KSR1: variants seen among roughly 807,000 people sequenced by gnomAD.
KSR1 encodes the protein kinase suppressor of ras.
KSR1 carries 35 observed loss-of-function variants against 92.9 expected under a neutral mutation model. The ratio of observed to expected loss-of-function variants is 0.38; its 90% CI spans 0.29 to 0.50. KSR1 has a LOEUF of 0.50. Ranked by LOEUF, KSR1 falls within the 20% of genes least tolerant of loss-of-function variation. KSR1 has a pLI of 0.94. For synonymous variants in KSR1, 467 were observed against 472.6 expected, an observed-to-expected ratio of 0.99 and a Z score of 0.15; for missense variants, 972 against 1,158.5, an observed-to-expected ratio of 0.84 and a Z score of 2.34.
chr17:27,532,092 A>T (rs954936163), intron 1 of KSR1, among the ~76,000 whole-genome samples: 3 of 152,240 alleles, frequency 2.0e-5, no homozygotes, highest in East Asian at 1.9e-4. Context: ...TCAGTTTTTC[A>T]TCTATTTCTG....
At chr17:27,503,634 C>T (rs1164443796) in intron 1 of KSR1, among the ~76,000 whole-genome samples, 5 of 152,160 alleles carry the variant, frequency 3.3e-5, no homozygotes, top group East Asian at 3.8e-4. Context: ...CTACTGAGCA[C>T]GTGGAAGCAT....
chr17:27,590,790 G>T (rs750622508), intron 6 of KSR1, 21 bp from the exon 7 acceptor site: 2 of 1,601,482 alleles, frequency 1.2e-6, no homozygotes, highest in Non-Finnish European at 1.7e-6. Context: ...GCAAACATGT[G>T]CCTGTGTCCG....
chr17:27,478,111 C>G (rs969309896), intron 1 of KSR1, among the ~76,000 whole-genome samples: 1 of 152,140 alleles, frequency 6.6e-6, no homozygotes, highest in Non-Finnish European at 1.5e-5. Flanking sequence ...ACCTTTTTAC[C>G]CAGAAATTCC....
In KSR1 at chr17:27,583,016, C is replaced by T. The variant is rs1438823565; in HGVS notation, c.891C>T (p.Phe297=). Residue 297 remains phenylalanine, a synonymous_variant, in exon 4 of 21, where the codon TTC becomes TTT. Transcript: ENST00000644974. ...RTPPPPSRKV[F]QLLPSFPTLT... ...CCCCCCCACCCAGCCGCAAGGTCTT[C>T]CAGCTGCTGCCCAGCTTCCCCACAC... The T allele has an allele frequency of 4.4e-6, 7 of 1,598,460 alleles. No individual in the cohort carries two copies. The highest frequency in any genetic ancestry group is 1.7e-5 in the Admixed American group (1 of 59,048).
intron 4 of KSR1, among the ~76,000 whole-genome samples, chr17:27,584,955 G>A (rs2072912419): frequency 6.6e-6 from 1 of 152,092 alleles, no homozygotes; most frequent in Non-Finnish European, 1.5e-5. Flanking sequence ...TTCTTTTTCT[G>A]AGAAGGAGTC....
rs1461618833 is a variant in KSR1, at chr17:27,597,284, T to C, written c.1316T>C (p.Met439Thr). 2 of 1,596,914 alleles carry C rather than the reference T, an allele frequency of 1.3e-6. No homozygotes were observed. The highest frequency in any genetic ancestry group is 3.5e-5 in the Admixed American group (2 of 57,184). The change falls in exon 10 of 21, where the codon ATG becomes ACG. Residue 439 changes from methionine (M) to threonine (T), a missense_variant. This residue lies in a region of KSR1 where 611 missense variants were observed against 668.0 expected (regional missense o/e 0.91). Transcript: ENST00000644974. ...ALTKKEHPPA[M>T]NHLDSSSNPS... is the part of the protein sequence containing the mutation. ...GTCCTGCAGGAGCACCCTCCGGCCA[T>C]GAATCACCTGGACTCCAGCAGCAAC...
At chr17:27,527,313 T>C in intron 1 of KSR1, 1 of 169,968 alleles carries the variant, frequency 5.9e-6, no homozygotes, top group Non-Finnish European at 1.2e-5. Flanking sequence ...GCCCAAGAGG[T>C]CAAGGCTACA....
At chr17:27,509,678 A>AACT in intron 1 of KSR1, among the ~76,000 whole-genome samples, 1 of 142,920 alleles carries the variant, frequency 7.0e-6, no homozygotes, top group Non-Finnish European at 1.5e-5. Flanking sequence ...AACAAACAAC[A>AACT]ACAAAAAACA....
Position 27,503,304 on chromosome 17 carries a change from G to A in KSR1, c.231+46430G>A, listed in dbSNP as rs147635472. Reference sequence around the variant, plus strand: ...AGAGGGAGTTTGCCACCAGCATCTCGTGGGTAGAGGCCAGGGATGCTGTGC... The same window carrying A: ...AGAGGGAGTTTGCCACCAGCATCTCATGGGTAGAGGCCAGGGATGCTGTGC... On this transcript the variant is annotated intron_variant, in intron 1 of 20. Coordinates refer to ENST00000644974, the MANE Select transcript of KSR1 (RefSeq NM_001394583.1). 1.3e-3 allele frequency among the ~76,000 whole-genome samples: 192 copies of A among 152,304 alleles called. 1 individual carries two copies. Among genetic ancestry groups the A allele is most frequent in the African/African-American group, 3.4e-3 (143 of 41,572 alleles).
chr17:27,556,467 C>T (rs528332655), intron 2 of KSR1, among the ~76,000 whole-genome samples: 1 of 152,318 alleles, frequency 6.6e-6, no homozygotes, highest in South Asian at 2.1e-4. Flanking sequence ...AGTGATCCTC[C>T]TGCCTCAGCC....
chr17:27,543,554 C>T (rs999328090), intron 1 of KSR1, among the ~76,000 whole-genome samples: 6 of 152,168 alleles, frequency 3.9e-5, no homozygotes, highest in Non-Finnish European at 8.8e-5. Context: ...CAACCAGGCC[C>T]GTGCTCTCCA....
chr17:27,520,966 T>G (rs1441519702), intron 1 of KSR1, among the ~76,000 whole-genome samples: 3 of 152,238 alleles, frequency 2.0e-5, no homozygotes, highest in African/African-American at 7.2e-5. Flanking sequence ...ATGGGCTGTT[T>G]GGCCTTGGGT....
intron 14 of KSR1, 52 bp downstream of exon 14, chr17:27,605,865 C>G: frequency 6.3e-7 from 1 of 1,599,222 alleles, no homozygotes; most frequent in East Asian, 2.3e-5. Flanking sequence ...CCTCCCCCTT[C>G]CCAGGGAGCC....
At chr17:27,485,528 G>A (rs2068638661) in intron 1 of KSR1, among the ~76,000 whole-genome samples, 1 of 152,232 alleles carries the variant, frequency 6.6e-6, no homozygotes, top group South Asian at 2.1e-4. Flanking sequence ...TTCACAGTGG[G>A]TTTATTATAA....
chr17:27,600,864 G>A (rs147478498), intron 10 of KSR1, among the ~76,000 whole-genome samples: 49 of 152,296 alleles, frequency 3.2e-4, no homozygotes, highest in Non-Finnish European at 5.4e-4. Context: ...AATTGAGGTT[G>A]GAACATGCTG....
chr17:27,461,253 G>A (rs546826533), intron 1 of KSR1, among the ~76,000 whole-genome samples: 5 of 152,198 alleles, frequency 3.3e-5, no homozygotes, highest in African/African-American at 7.2e-5. Flanking sequence ...GCTAATTTTC[G>A]TGTTTTTAGT....
intron 2 of KSR1, among the ~76,000 whole-genome samples, chr17:27,570,215 A>T (rs898187794): frequency 2.0e-5 from 3 of 152,236 alleles, no homozygotes; most frequent in Non-Finnish European, 4.4e-5. Flanking sequence ...AGTGGTGGCA[A>T]ATAAACGCTG....
chr17:27,542,665 C>A (rs1211304358), intron 1 of KSR1, among the ~76,000 whole-genome samples: 1 of 152,128 alleles, frequency 6.6e-6, no homozygotes, highest in African/African-American at 2.4e-5. Flanking sequence ...GGGTATAATC[C>A]AAACGGCACC....
At chr17:27,553,603 G>A (rs2071483301) in intron 2 of KSR1, among the ~76,000 whole-genome samples, 1 of 152,212 alleles carries the variant, frequency 6.6e-6, no homozygotes, top group Admixed American at 6.5e-5. Context: ...CCTGGGCCTG[G>A]CAGCTTTCTT....
Sources: gnomAD v4.1 joint callset for allele counts (sites outside exome capture counted in the v4.1 genomes callset) on GRCh38, gnomAD v4.1.1 for gene constraint, gnomAD v4.1.1 regional missense constraint, MANE v1.5 for transcripts, NCBI Gene and HGNC (gene_info 2026-07-23, HGNC 2026-07-21) for gene names.